The following WDFY3 variants were observed in gnomAD, a reference collection of about 807,000 sequenced individuals.
WDFY3 encodes the protein WD repeat and FYVE domain containing 3.
In WDFY3, 66 loss-of-function variants were observed where a neutral mutation model predicts 409.6. That is an observed-to-expected ratio of 0.16 (90% CI 0.13 to 0.20). The LOEUF is 0.20. WDFY3 is among the 10% of genes least tolerant of loss of function. The probability of loss-of-function intolerance (pLI) is 1.00; values close to 1 mark genes in which losing one functional copy is unlikely to be tolerated. For synonymous variants in WDFY3, 1,521 were observed against 1,537.1 expected (o/e 0.99, Z 0.25); for missense variants, 3,031 against 4,298.1 (o/e 0.71, Z 8.24).
intron 17 of WDFY3, among the ~76,000 whole-genome samples, chr4:84,798,707 C>G (rs1037817611): frequency 6.6e-6 from 1 of 152,168 alleles, no homozygotes; most frequent in Non-Finnish European, 1.5e-5. Context: ...GCTCTTTTCT[C>G]TCATTCTTGC....
At chr4:84,797,138 T>C (rs1395297922) in intron 18 of WDFY3, among the ~76,000 whole-genome samples, 4 of 152,162 alleles carry the variant, frequency 2.6e-5, no homozygotes, top group Non-Finnish European at 4.4e-5. Flanking sequence ...TAAACAATTT[T>C]AGACCATTAA....
At position 84,859,639 on chromosome 4, in the gene WDFY3, G is replaced by C. The variant is rs148113444; in HGVS notation, c.180+773C>G. The stretch of plus-strand genomic sequence containing the variant: ...CGCCCAGGCTGGAGTGCAATGGCGT[G>C]ATCTCAGTTCACTGCAACCTTCGCC... On this transcript the variant is annotated intron_variant, in intron 4 of 67. Transcript: ENST00000295888. Among the ~76,000 whole-genome samples the C allele has an allele frequency of 5.0e-3, 759 of 152,282 alleles. 8 individuals are homozygous for C. Among genetic ancestry groups the C allele is most frequent in the African/African-American group, 0.017 (711 of 41,546 alleles).
Position 84,821,257 on chromosome 4 carries a change from C to A in WDFY3, c.1418G>T (p.Ser473Ile). ...LISVSILLKS[S>I]SSYHCSIIAM... ...AATAATGCTACAGTGATAAGAAGAG[C>A]TAGATTTTAAGAGGATACTGACACT... The change falls in exon 11 of 68, where the codon AGC becomes ATC. Residue 473 changes from serine (S) to isoleucine (I), a missense_variant. Physicochemically the swap from Ser to Ile is moderately radical, Grantham distance 142. Coordinates refer to ENST00000295888, the MANE Select transcript of WDFY3 (RefSeq NM_014991.6). 6.2e-7 allele frequency: 1 copy of A among 1,613,620 alleles called. No individual in the cohort carries two copies. Among genetic ancestry groups the A allele is most frequent in the Non-Finnish European group, 8.5e-7 (1 of 1,179,800 alleles).
At chr4:84,865,733 C>G (rs1761301409) in intron 3 of WDFY3, among the ~76,000 whole-genome samples, 1 of 152,150 alleles carries the variant, frequency 6.6e-6, no homozygotes, top group Admixed American at 6.5e-5. Context: ...ATCCCTACAT[C>G]TATCATGATG....
intron 67 of WDFY3, among the ~76,000 whole-genome samples, chr4:84,675,183 T>A (rs1207242671): frequency 6.6e-6 from 1 of 152,042 alleles, no homozygotes; most frequent in African/African-American, 2.4e-5. Flanking sequence ...CTCGAACTCC[T>A]GACCTCAGGT....
Position 84,880,272 on chromosome 4 carries a change from C to T in WDFY3, c.-32+16639G>A, listed in dbSNP as rs144124661. Among the ~76,000 whole-genome samples, 298 of 152,158 alleles carry T rather than the reference C, an allele frequency of 2.0e-3. 1 individual carries two copies. The highest frequency in any genetic ancestry group is 6.6e-3 in the African/African-American group (275 of 41,520). On this transcript the variant is annotated intron_variant, in intron 3 of 67. Coordinates refer to ENST00000295888, the MANE Select transcript of WDFY3 (RefSeq NM_014991.6). ...AGCTCTATGAACACCTTGATTTTAG[C>T]CCTGCAAGACCAGTTTTGGACTTCT...
At chr4:84,834,686 C>A (rs1432076019) in intron 7 of WDFY3, among the ~76,000 whole-genome samples, 1 of 152,102 alleles carries the variant, frequency 6.6e-6, no homozygotes, top group Non-Finnish European at 1.5e-5. Flanking sequence ...CCTCTACTAA[C>A]CACTTATATT....
rs752282296 is a variant in WDFY3 at position 84,803,313 on chromosome 4, C to T, written c.2584G>A (p.Val862Ile). 1.0e-4 allele frequency: 168 copies of T among 1,611,578 alleles called. No individual in the cohort carries two copies. The highest frequency in any genetic ancestry group is 1.4e-4 in the Non-Finnish European group (164 of 1,179,208). ...MLAMLDLLASVGSVTQPEHAL... is the reference protein window; with the variant it reads ...MLAMLDLLASIGSVTQPEHAL... ...ACTTCTGGCTGTGTCACTGACCCAA[C>T]AGAGGCCAGTAGGTCCAGCATGGCA... Residue 862 changes from valine to isoleucine, a missense_variant, in exon 16 of 68, where the codon GTT (valine) becomes ATT (isoleucine). Physicochemically the swap from Val to Ile is conservative, Grantham distance 29. Coordinates refer to ENST00000295888, the MANE Select transcript of WDFY3 (RefSeq NM_014991.6).
intron 4 of WDFY3, among the ~76,000 whole-genome samples, chr4:84,857,339 T>C (rs1759901362): frequency 6.6e-6 from 1 of 152,200 alleles, no homozygotes; most frequent in South Asian, 2.1e-4. Flanking sequence ...TCTTCTAGTC[T>C]AGTAGACTGT....
Position 84,718,435 on chromosome 4 carries a change from T to C in WDFY3, c.7741A>G (p.Thr2581Ala), listed in dbSNP as rs1350890778. 8 of 1,613,348 alleles carry C rather than the reference T, an allele frequency of 5.0e-6. No homozygotes were observed. Among genetic ancestry groups the C allele is most frequent in the Non-Finnish European group, 5.9e-6 (7 of 1,179,734 alleles). The change falls in exon 48 of 68, where the codon ACC becomes GCC. Residue 2581 changes from threonine (T) to alanine (A), a missense_variant. By Grantham distance (58) the Thr-to-Ala change is moderately conservative. Transcript: ENST00000295888. ...TCATTTACTTACTTTGGAGGTAAGG[T>C]TTCAATATCTCTTATTTCCCTGGTT... ...TATREIRDIETLPPNMHEPII... is the reference protein window; with the variant it reads ...TATREIRDIEALPPNMHEPII...
chr4:84,821,055 TA>T, intron 11 of WDFY3, 28 bp downstream of exon 11: 4 of 1,537,734 alleles, frequency 2.6e-6, no homozygotes, highest in Non-Finnish European at 3.5e-6. Flanking sequence ...CCTTTTCAAA[TA>T]AAAATAAAAT....
chr4:84,854,305 G>A (rs537984654), intron 4 of WDFY3, among the ~76,000 whole-genome samples: 50 of 152,264 alleles, frequency 3.3e-4, no homozygotes, highest in Non-Finnish European at 5.9e-5. Context: ...TTTTGTATAA[G>A]AGGAAAAATG....
chr4:84,761,736 A>T (rs565286278), intron 32 of WDFY3, among the ~76,000 whole-genome samples: 2 of 152,212 alleles, frequency 1.3e-5, no homozygotes, highest in Non-Finnish European at 2.9e-5. Context: ...TAATATCCAG[A>T]ATCTACAACG....
chr4:84,844,748 C>T (rs1757851476), intron 5 of WDFY3, among the ~76,000 whole-genome samples: 1 of 152,164 alleles, frequency 6.6e-6, no homozygotes, highest in Non-Finnish European at 1.5e-5. Flanking sequence ...ATAAATTGAC[C>T]ATGTGCCCTT....
intron 1 of WDFY3, among the ~76,000 whole-genome samples, chr4:84,948,318 T>C (rs1039523273): frequency 2.6e-5 from 4 of 152,198 alleles, no homozygotes; most frequent in African/African-American, 9.7e-5. Flanking sequence ...AGCAGTTCCC[T>C]GTTAAGACGT....
intron 5 of WDFY3, among the ~76,000 whole-genome samples, chr4:84,847,038 A>C (rs996225361): frequency 6.6e-6 from 1 of 152,084 alleles, no homozygotes; most frequent in African/African-American, 2.4e-5. Context: ...TGTTCACTGA[A>C]AAGAGTAAGA....
chr4:84,917,842 T>C (rs1025342392), intron 2 of WDFY3, among the ~76,000 whole-genome samples: 2 of 151,854 alleles, frequency 1.3e-5, no homozygotes, highest in Non-Finnish European at 2.9e-5. Context: ...TTCCCAACAT[T>C]CAAAGAGCTT....
intron 3 of WDFY3, among the ~76,000 whole-genome samples, chr4:84,868,827 C>T (rs1321743681): frequency 2.0e-5 from 3 of 152,076 alleles, no homozygotes; most frequent in Non-Finnish European, 4.4e-5. Context: ...AGTTAAAAGG[C>T]AGTTAGGTTA....
chr4:84,897,440 T>A (rs978684190), intron 2 of WDFY3, among the ~76,000 whole-genome samples: 10 of 152,170 alleles, frequency 6.6e-5, no homozygotes, highest in African/African-American at 2.4e-4. Flanking sequence ...TGGAGTGCAA[T>A]GGCCTGATCT....
Sources: gnomAD v4.1 joint callset for allele counts (sites outside exome capture counted in the v4.1 genomes callset) on GRCh38, gnomAD v4.1.1 for gene constraint, MANE v1.5 for transcripts, NCBI Gene and HGNC (gene_info 2026-07-23, HGNC 2026-07-21) for gene names.